CACNA1D: variants seen among roughly 807,000 people sequenced by gnomAD.
CACNA1D encodes voltage-dependent L-type calcium channel subunit alpha-1D.
CACNA1D carries 55 observed loss-of-function variants against 257.1 expected under a neutral mutation model. The ratio of observed to expected loss-of-function variants is 0.21; its 90% confidence interval spans 0.17 to 0.27. The LOEUF is 0.27. Ranked by LOEUF, CACNA1D falls within the 10% of genes least tolerant of loss-of-function variation. The probability of loss-of-function intolerance (pLI) is 1.00; values close to 1 mark genes in which losing one functional copy is unlikely to be tolerated. For missense variants in CACNA1D, 1,876 were observed against 2,784.0 expected, an observed-to-expected ratio of 0.67 and a Z score of 7.34; for synonymous variants, 980 against 1,014.9, an observed-to-expected ratio of 0.97 and a Z score of 0.65.
chr3:53,675,780 A>C (rs1043599683), intron 8 of CACNA1D, among the ~76,000 whole-genome samples: 1 of 152,224 alleles, frequency 6.6e-6, no homozygotes, highest in South Asian at 2.1e-4. Context: ...TTTTTCATCA[A>C]AACAAAACTT....
intron 40 of CACNA1D, chr3:53,795,996 C>T (rs1440398639): frequency 9.9e-6 from 2 of 201,070 alleles, no homozygotes; most frequent in Non-Finnish European, 2.1e-5. Flanking sequence ...TCACAATGGA[C>T]ACAAAGGCTG....
intron 3 of CACNA1D, among the ~76,000 whole-genome samples, chr3:53,622,623 T>C (rs1048121241): frequency 6.6e-6 from 1 of 151,664 alleles, no homozygotes; most frequent in East Asian, 1.9e-4. Flanking sequence ...CTTTTGGAGG[T>C]TGGAGGGTAG....
At position 53,811,896 on chromosome 3, in the gene CACNA1D, T is replaced by C. The variant is rs1157731776; in HGVS notation, c.*490T>C. ...CCATTTTTAAACCCTTTCCCCCAAA[T>C]ACACTGCGTCCTGGTTCCTGTTTAG... is the stretch of plus-strand genomic sequence containing the variant. On this transcript the variant is annotated 3_prime_UTR_variant, in exon 48 of 48. Transcript: ENST00000350061. The surrounding 1 kb of genome is among the most constrained non-coding windows in gnomAD (Gnocchi z 4.2). 6.5e-6 allele frequency: 1 copy of C among 153,066 alleles called. No homozygotes were observed. Among genetic ancestry groups the C allele is most frequent in the African/African-American group, 2.4e-5 (1 of 41,444 alleles). 9.5% of individuals were successfully genotyped at this position (153,066 alleles called of 1,614,324 possible).
Position 53,713,543 on chromosome 3 carries a change from T to TGTGAGA in CACNA1D, c.1391-4757_1391-4756insTGAGAG, listed in dbSNP as rs377132134. Among the ~76,000 whole-genome samples the TGTGAGA allele has an allele frequency of 3.3e-3, 403 of 120,994 alleles. 3 individuals are homozygous for TGTGAGA. The highest frequency in any genetic ancestry group is 9.2e-3 in the African/African-American group (305 of 33,024). The allele number at this position is 120,994 out of a possible 152,430, so 79.4% of individuals were successfully genotyped here. On this transcript the variant is annotated intron_variant, in intron 9 of 47. Coordinates refer to ENST00000350061, the MANE Select transcript of CACNA1D (RefSeq NM_001128840.3). ...GTGTGTGTGTGTGTGTGTGTGTGTG[T>TGTGAGA]GAGAGATTTGCCTCCAAATTCACAA... is the stretch of plus-strand genomic sequence containing the variant.
intron 8 of CACNA1D, among the ~76,000 whole-genome samples, chr3:53,698,659 A>G (rs2094593677): frequency 6.6e-6 from 1 of 152,244 alleles, no homozygotes; most frequent in African/African-American, 2.4e-5. Context: ...AAAAAGGTAT[A>G]CTTAAGAGTG....
intron 37 of CACNA1D, 49 bp from the exon 38 acceptor site, chr3:53,779,977 G>A (rs1256691121): frequency 8.3e-6 from 10 of 1,210,456 alleles, no homozygotes; most frequent in Admixed American, 1.7e-5. Context: ...GGATATGGTC[G>A]TGGTCACTCA....
chr3:53,704,243 C>G (rs1284721254), intron 9 of CACNA1D, among the ~76,000 whole-genome samples: 1 of 151,984 alleles, frequency 6.6e-6, no homozygotes, highest in Non-Finnish European at 1.5e-5. Context: ...TTTCTTCAAG[C>G]CTGGGCTCTG....
chr3:53,501,898 T>G (rs548378956), intron 3 of CACNA1D, among the ~76,000 whole-genome samples, 178 bp downstream of exon 3: 1 of 152,200 alleles, frequency 6.6e-6, no homozygotes, highest in Non-Finnish European at 1.5e-5. Flanking sequence ...ATTCTCAAAT[T>G]TATACTGACT....
At chr3:53,497,077 AC>A in intron 1 of CACNA1D, 74 bp from the exon 2 acceptor site, 1 of 1,123,448 alleles carries the variant, frequency 8.9e-7, no homozygotes, top group Non-Finnish European at 1.3e-6. Flanking sequence ...ATGGGAGACA[AC>A]CTTTGATTTT....
intron 3 of CACNA1D, among the ~76,000 whole-genome samples, chr3:53,630,361 C>T (rs536598633): frequency 1.3e-5 from 2 of 152,316 alleles, no homozygotes; most frequent in East Asian, 3.9e-4. Flanking sequence ...TGTTATACAT[C>T]CATATCTGAT....
intron 3 of CACNA1D, among the ~76,000 whole-genome samples, chr3:53,649,292 G>A (rs1051430851): frequency 2.5e-4 from 38 of 152,186 alleles, no homozygotes; most frequent in Non-Finnish European, 7.3e-5. Flanking sequence ...TGAATATAAA[G>A]TGTTCTCTTC....
In CACNA1D at chr3:53,795,852, A is replaced by C. The variant is rs184555292; in HGVS notation, c.4924-4397A>C. Among the ~76,000 whole-genome samples the C allele has an allele frequency of 1.5e-3, 223 of 152,272 alleles. 1 individual carries two copies. The highest frequency in any genetic ancestry group is 5.2e-3 in the African/African-American group (214 of 41,552). On this transcript the variant is annotated intron_variant, in intron 40 of 47. Transcript: ENST00000350061. ...AAAGTTTCCTTTATCTTTCCAAGTG[A>C]TGGGAATAGCGCAACCCCTAGGGGA...
Position 53,751,594 on chromosome 3 carries a change from G to A in CACNA1D, c.3517-155G>A, listed in dbSNP as rs1274883845. 6.6e-6 allele frequency among the ~76,000 whole-genome samples: 1 copy of A among 152,224 alleles called. No individual in the cohort carries two copies. The highest frequency in any genetic ancestry group is 2.4e-5 in the African/African-American group (1 of 41,450). On this transcript the variant is annotated intron_variant, in intron 27 of 47. Coordinates refer to ENST00000350061, the MANE Select transcript of CACNA1D (RefSeq NM_001128840.3). This position sits in a 1 kb window ranked among gnomAD's most constrained non-coding sequence, Gnocchi z 4.3. ...CCTCGGTGACTCAAGAGTGGTGCCA[G>A]CAGCAGGAAGGGGGTCACTCGTAAT...
chr3:53,681,396 C>T (rs779173936), intron 8 of CACNA1D, among the ~76,000 whole-genome samples: 13 of 152,172 alleles, frequency 8.5e-5, no homozygotes, highest in Admixed American at 3.3e-4. Flanking sequence ...ATATAACAGA[C>T]GAATAAGAAG....
intron 43 of CACNA1D, 80 bp from the exon 44 acceptor site, chr3:53,803,343 C>A (rs940495813): frequency 3.2e-6 from 5 of 1,557,366 alleles, no homozygotes; most frequent in Non-Finnish European, 4.4e-6. Flanking sequence ...GCAGGGTTGC[C>A]GGCCACAGGC....
chr3:53,613,790 C>T (rs528539013), intron 3 of CACNA1D, among the ~76,000 whole-genome samples: 6 of 152,044 alleles, frequency 3.9e-5, no homozygotes, highest in African/African-American at 1.2e-4. Flanking sequence ...TGTATTGATA[C>T]AAGGTTTCGG....
chr3:53,628,129 C>T (rs2093781246), intron 3 of CACNA1D, among the ~76,000 whole-genome samples: 1 of 152,224 alleles, frequency 6.6e-6, no homozygotes, highest in Non-Finnish European at 1.5e-5. Context: ...TCACCCAACT[C>T]TCCTTTATGT....
rs534477622 is a variant in CACNA1D, at chr3:53,632,270, A to G, written c.484-18509A>G. On this transcript the variant is annotated intron_variant, in intron 3 of 47. Coordinates refer to ENST00000350061, the MANE Select transcript of CACNA1D (RefSeq NM_001128840.3). ...CACCTTGTACTTTTATGTTATGGAG[A>G]TGGCTGCTTTTCTTAAAACTTATGA... 2.0e-5 allele frequency among the ~76,000 whole-genome samples: 3 copies of G among 152,322 alleles called. No homozygotes were observed. The East Asian group carries it at 5.8e-4, about 29-fold the overall frequency.
chr3:53,743,907 TGTTA>T (rs1485754958), intron 22 of CACNA1D, among the ~76,000 whole-genome samples: 1 of 152,080 alleles, frequency 6.6e-6, no homozygotes, highest in Non-Finnish European at 1.5e-5. Flanking sequence ...CAGCCCTTTG[TGTTA>T]TCCTTCTCGC....
Sources: gnomAD v4.1 joint callset for allele counts (sites outside exome capture counted in the v4.1 genomes callset) on GRCh38, gnomAD v4.1.1 for gene constraint, Gnocchi (gnomAD v3.1) non-coding constraint, MANE v1.5 for transcripts, NCBI Gene and HGNC (gene_info 2026-07-23, HGNC 2026-07-21) for gene names.